Variants in SNAI3 observed in about 807,000 individuals in gnomAD.
SNAI3 encodes snail family transcriptional repressor 3.
A neutral mutation model predicts 16.4 loss-of-function variants in SNAI3; 21 were observed. The observed-to-expected ratio is 1.28, with a 90% CI of 0.91 to 1.85. The LOEUF is 1.85. SNAI3 is among the 40% of genes most tolerant of loss of function. The pLI is 0.00. For missense variants in SNAI3, 457 were observed against 372.8 expected (o/e 1.23, Z -1.86); for synonymous variants, 202 against 166.6 (o/e 1.21, Z -1.64).
intron 2 of SNAI3, among the ~76,000 whole-genome samples, chr16:88,679,665 G>C (rs946325160): frequency 1.3e-5 from 2 of 150,324 alleles, no homozygotes; most frequent in African/African-American, 2.5e-5. Context: ...GGGAGGCTGA[G>C]GCAGGAGAAT....
At position 88,686,389 on chromosome 16, in the gene SNAI3, C is replaced by T. The variant is rs572359937; in HGVS notation, c.18G>A (p.Leu6=). 3.1e-6 allele frequency: 5 copies of T among 1,611,586 alleles called. No homozygotes were observed. Among genetic ancestry groups the T allele is most frequent in the East Asian group, 2.2e-5 (1 of 44,858 alleles). MPRSF[L]VKTHSSHRVP... The stretch of plus-strand genomic sequence containing the variant: ...CCCTGTGGCTGGAGTGCGTTTTCAC[C>T]AGGAAGGAGCGCGGCATGTTCCCCT... Residue 6 remains leucine, a synonymous_variant, in exon 1 of 3, where the codon CTG becomes CTA. Coordinates refer to ENST00000332281, the MANE Select transcript of SNAI3 (RefSeq NM_178310.4).
intron 1 of SNAI3, chr16:88,685,901 TC>T (rs900819030): frequency 3.6e-5 from 6 of 167,856 alleles, no homozygotes; most frequent in African/African-American, 1.2e-4. Flanking sequence ...GCTCCGGGGG[TC>T]CCTGAGCCGG....
intron 2 of SNAI3, chr16:88,678,951 C>T (rs1597392049): frequency 4.1e-6 from 4 of 985,394 alleles, no homozygotes; most frequent in Non-Finnish European, 4.8e-6. Flanking sequence ...GTGGGGGGGT[C>T]TGGCCAGCTC....
At chr16:88,683,553 CTTTTTTTTT>C (rs35529850) in intron 1 of SNAI3, among the ~76,000 whole-genome samples, 2 of 112,388 alleles carry the variant, frequency 1.8e-5, no homozygotes, top group African/African-American at 7.3e-5. Flanking sequence ...TGCGCCTGGC[CTTTTTTTTT>C]TTTTTTTTTT....
In SNAI3 at chr16:88,678,390, G is replaced by C; in HGVS notation, c.*58C>G. On this transcript the variant is annotated 3_prime_UTR_variant, in exon 3 of 3. Transcript: ENST00000332281. ...ACTCCTGGCTCCTCTGGGGGCAGGA[G>C]GGACGCCAGCTCTCCCGGTGAGGAC... The C allele has an allele frequency of 1.5e-6, 1 of 679,946 alleles. No individual in the cohort carries two copies. The highest frequency in any genetic ancestry group is 2.7e-6 in the Non-Finnish European group (1 of 372,028). 42.1% of individuals were successfully genotyped at this position (679,946 alleles called of 1,614,324 possible).
chr16:88,678,891 G>A (rs552817809), intron 2 of SNAI3: 1 of 985,422 alleles, frequency 1.0e-6, no homozygotes. Flanking sequence ...GGAGAGGACG[G>A]GAGAAGCACT....
Position 88,686,347 on chromosome 16 carries a change from C to T in SNAI3, c.60G>A (p.Arg20=). Residue 20 remains arginine (R), a synonymous_variant, in exon 1 of 3, where the codon CGG becomes CGA. Transcript: ENST00000332281. The part of the protein sequence containing the change: ...HSSHRVPNYR[R]LETQREINGA... ...AGTCAGTACCTCTCTGCGTCTCCAG[C>T]CGCCGGTAGTTGGGGACCCTGTGGC... is the stretch of plus-strand genomic sequence containing the variant. 2 of 1,612,064 alleles carry T rather than the reference C, an allele frequency of 1.2e-6. No individual in the cohort carries two copies. The highest frequency in any genetic ancestry group is 1.1e-5 in the South Asian group (1 of 91,030).
In SNAI3 at chr16:88,686,473, T is replaced by G. The variant is rs902435655; in HGVS notation, c.-67A>C. ...AGGGGCGCGCCTGGGTCCGGACTGC[T>G]GCGTCCGCCGGCGCTTGAAGGGGTC... On this transcript the variant is annotated 5_prime_UTR_variant, in exon 1 of 3. Transcript: ENST00000332281. 17 of 1,575,370 alleles carry G rather than the reference T, an allele frequency of 1.1e-5. No homozygotes were observed. The highest frequency in any genetic ancestry group is 1.5e-5 in the Non-Finnish European group (17 of 1,166,712).
At chr16:88,679,502 C>T (rs913382569) in intron 2 of SNAI3, among the ~76,000 whole-genome samples, 6 of 152,124 alleles carry the variant, frequency 3.9e-5, no homozygotes, top group Non-Finnish European at 8.8e-5. Context: ...TGGCTCACAC[C>T]TGTAATCCCA....
chr16:88,686,107 G>C (rs966434011), intron 1 of SNAI3: 1 of 567,142 alleles, frequency 1.8e-6, no homozygotes, highest in Non-Finnish European at 3.1e-6. Context: ...AGTTGGGAGA[G>C]AATCCCGCCC....
chr16:88,683,888 A>ATG (rs201858899), intron 1 of SNAI3, among the ~76,000 whole-genome samples: 1 of 152,186 alleles, frequency 6.6e-6, no homozygotes, highest in East Asian at 1.9e-4. Context: ...ATTTCTCCAA[A>ATG]GACGATACAC....
At chr16:88,684,179 G>T (rs1349985339) in intron 1 of SNAI3, among the ~76,000 whole-genome samples, 5 of 152,256 alleles carry the variant, frequency 3.3e-5, no homozygotes, top group African/African-American at 1.2e-4. Flanking sequence ...GTCCAAGAGA[G>T]TTCTGGGGAG....
At chr16:88,678,816 G>C in intron 2 of SNAI3, 187 bp from the exon 3 acceptor site, 3 of 985,478 alleles carry the variant, frequency 3.0e-6, no homozygotes, top group Non-Finnish European at 3.6e-6. Context: ...CAGGAGCACA[G>C]GCAGCCACAG....
At chr16:88,682,386 C>T (rs548021189) in intron 1 of SNAI3, among the ~76,000 whole-genome samples, 1 of 152,352 alleles carries the variant, frequency 6.6e-6, no homozygotes, top group South Asian at 2.1e-4. Context: ...GGCTGGGCTC[C>T]TCCCCAGGAC....
rs66535651 is a variant in SNAI3, at chr16:88,678,283, G to GC, written c.*164dup. ...TGGGGGAGTGTCCTCCGGCCCAGTG[G>GC]CCCCCGCTGGACTTCTTTGGTTCTG... On this transcript the variant is annotated 3_prime_UTR_variant, in exon 3 of 3. Transcript: ENST00000332281. 0.36 allele frequency: 207,289 copies of GC among 575,120 alleles called. 40,105 individuals are homozygous for GC. The highest frequency in any genetic ancestry group is 0.63 in the East Asian group (21,190 of 33,770). The allele number at this position is 575,120 out of a possible 1,614,324, so 35.6% of individuals were successfully genotyped here.
In SNAI3 at chr16:88,681,706, C is replaced by T. The variant is rs1465521506; in HGVS notation, c.85G>A (p.Gly29Ser). The T allele has an allele frequency of 1.4e-6, 2 of 1,449,790 alleles. No individual in the cohort carries two copies. The highest frequency in any genetic ancestry group is 2.5e-5 in the Admixed American group (1 of 39,584). 89.8% of individuals were successfully genotyped at this position (1,449,790 alleles called of 1,614,324 possible). ...RRLETQREIN[G>S]ACSACGGLVV... ...AGCCCCCCACAGGCAGAGCAGGCAC[C>T]ATTGATTTCTAGAGGGGTGGAGGGG... The change falls in exon 2 of 3, where the codon GGT becomes AGT. Residue 29 changes from glycine to serine, a missense_variant. Coordinates refer to ENST00000332281, the MANE Select transcript of SNAI3 (RefSeq NM_178310.4). The surrounding 1 kb of genome is among the most constrained non-coding windows in gnomAD (Gnocchi z 5.4).
rs1465521506 is a variant in SNAI3, at chr16:88,681,706, C to A, written c.85G>T (p.Gly29Cys). The change falls in exon 2 of 3, where the codon GGT (glycine) becomes TGT (cysteine). Residue 29 changes from glycine to cysteine, a missense_variant. Transcript: ENST00000332281. This position sits in a 1 kb window ranked among gnomAD's most constrained non-coding sequence, Gnocchi z 5.4. ...AGCCCCCCACAGGCAGAGCAGGCAC[C>A]ATTGATTTCTAGAGGGGTGGAGGGG... Reference protein sequence around the residue: ...RRLETQREINGACSACGGLVV... With the variant: ...RRLETQREINCACSACGGLVV... The A allele has an allele frequency of 6.2e-6, 9 of 1,449,908 alleles. No individual in the cohort carries two copies. Among genetic ancestry groups the A allele is most frequent in the East Asian group, 2.4e-5 (1 of 41,396 alleles). 89.8% of individuals were successfully genotyped at this position (1,449,908 alleles called of 1,614,324 possible). A position where few individuals can be genotyped will look rare whatever the true frequency, so the allele number is the denominator to read the frequency against.
chr16:88,678,312 G>C lies in SNAI3; in HGVS notation c.*136C>G, dbSNP rs1399759072. ...CCGCTGGACTTCTTTGGTTCTGATT[G>C]GACGCAGATGTGGAGGACGCACCAA... On this transcript the variant is annotated 3_prime_UTR_variant, in exon 3 of 3. Coordinates refer to ENST00000332281, the MANE Select transcript of SNAI3 (RefSeq NM_178310.4). The C allele has an allele frequency of 3.4e-6, 2 of 592,330 alleles. No individual in the cohort carries two copies. The highest frequency in any genetic ancestry group is 3.7e-5 in the African/African-American group (2 of 53,482). The allele number at this position is 592,330 out of a possible 1,614,324, so 36.7% of individuals were successfully genotyped here.
In SNAI3 at chr16:88,681,570, G is replaced by C; in HGVS notation, c.221C>G (p.Pro74Arg). ...GGCCCCCAGAGCTTCCTCGATCCGT[G>C]GCAGGAGGGGCAGGGAGATGCAGGC... Reference protein sequence around the residue: ...AVACISLPLLPRIEEALGASG... With the variant: ...AVACISLPLLRRIEEALGASG... The change falls in exon 2 of 3, where the codon CCA becomes CGA. Residue 74 changes from proline to arginine, a missense_variant. Pro to Arg is a moderately radical substitution (Grantham distance 103). Transcript: ENST00000332281. This position sits in a 1 kb window ranked among gnomAD's most constrained non-coding sequence, Gnocchi z 5.4. 6.6e-7 allele frequency: 1 copy of C among 1,508,124 alleles called. No homozygotes were observed. Among genetic ancestry groups the C allele is most frequent in the South Asian group, 1.3e-5 (1 of 74,574 alleles). The allele number at this position is 1,508,124 out of a possible 1,614,324, so 93.4% of individuals were successfully genotyped here.
Sources: gnomAD v4.1 joint callset for allele counts (sites outside exome capture counted in the v4.1 genomes callset) on GRCh38, gnomAD v4.1.1 for gene constraint, Gnocchi (gnomAD v3.1) non-coding constraint, MANE v1.5 for transcripts, NCBI Gene and HGNC (gene_info 2026-07-23, HGNC 2026-07-21) for gene names.